Variants in IMMT observed in about 807,000 individuals in gnomAD.
IMMT encodes MICOS complex subunit MIC60.
A neutral mutation model predicts 92.7 loss-of-function variants in IMMT; 40 were observed. The ratio of observed to expected loss-of-function variants is 0.43; its 90% CI spans 0.34 to 0.56. IMMT has a LOEUF of 0.56. Among genes scored for constraint, IMMT ranks in the 20% least tolerant of loss-of-function variants. The pLI is 0.03. For missense variants in IMMT, 831 were observed against 912.1 expected (o/e 0.91, Z 1.14); for synonymous variants, 322 against 336.1 (o/e 0.96, Z 0.46).
intron 12 of IMMT, among the ~76,000 whole-genome samples, chr2:86,149,672 G>A (rs1675315017): frequency 6.6e-6 from 1 of 152,090 alleles, no homozygotes; most frequent in Non-Finnish European, 1.5e-5. Context: ...GAGGTCAGGA[G>A]TTCGAGACCA....
intron 3 of IMMT, among the ~76,000 whole-genome samples, chr2:86,178,435 G>C (rs1201294513): frequency 6.6e-6 from 1 of 151,542 alleles, no homozygotes; most frequent in East Asian, 1.9e-4. Context: ...GACCAGCCTG[G>C]ACAACATGGT....
At chr2:86,166,698 T>A (rs1332917475) in intron 6 of IMMT, 54 bp from the exon 7 acceptor site, 20 of 1,501,604 alleles carry the variant, frequency 1.3e-5, no homozygotes, top group Non-Finnish European at 1.8e-5. Flanking sequence ...ATAAATGACT[T>A]TAAACTTTTG....
chr2:86,175,043 T>C (rs1215896390), intron 3 of IMMT, among the ~76,000 whole-genome samples: 1 of 152,196 alleles, frequency 6.6e-6, no homozygotes, highest in Non-Finnish European at 1.5e-5. Flanking sequence ...TCACTTAAGG[T>C]TCTAGTGATT....
Position 86,144,885 on chromosome 2 carries a change from CA to C in IMMT, c.1664-5del. The C allele has an allele frequency of 1.3e-6, 2 of 1,572,594 alleles. No individual in the cohort carries two copies. The highest frequency in any genetic ancestry group is 1.7e-6 in the Non-Finnish European group (2 of 1,163,366). ...TCCTCTTCAGCAACTGCATGGCCTACAAAGAAAAAAAGGCAAAGCCAAACAT... is the reference window on the plus strand; with the variant it reads ...TCCTCTTCAGCAACTGCATGGCCTACAAGAAAAAAAGGCAAAGCCAAACAT... On this transcript the variant is annotated splice_region_variant and splice_polypyrimidine_tract_variant and intron_variant, in intron 14 of 14. Transcript: ENST00000410111.
intron 1 of IMMT, 134 bp downstream of exon 1, chr2:86,195,204 G>T: frequency 4.2e-6 from 4 of 954,294 alleles, no homozygotes; most frequent in Middle Eastern, 2.7e-4. Flanking sequence ...CTGCCCGCCC[G>T]GGCCTCTCCC....
chr2:86,160,254 C>T (rs886729189), intron 8 of IMMT, among the ~76,000 whole-genome samples: 4 of 152,176 alleles, frequency 2.6e-5, no homozygotes, highest in East Asian at 1.9e-4. Flanking sequence ...TACATGCTTT[C>T]GTGTAAGGAA....
chr2:86,168,831 A>C (rs574039292), intron 6 of IMMT, among the ~76,000 whole-genome samples: 38 of 152,322 alleles, frequency 2.5e-4, no homozygotes, highest in African/African-American at 8.9e-4. Context: ...AAGTGATAGA[A>C]GTGAAATGAG....
chr2:86,157,041 T>C (rs778965196), intron 10 of IMMT, among the ~76,000 whole-genome samples: 1 of 152,124 alleles, frequency 6.6e-6, no homozygotes, highest in African/African-American at 2.4e-5. Context: ...CTTGAGAAAT[T>C]CTGATGAGGG....
At chr2:86,145,233 G>A (rs1401137467) in intron 14 of IMMT, among the ~76,000 whole-genome samples, 1 of 150,396 alleles carries the variant, frequency 6.6e-6, no homozygotes, top group Non-Finnish European at 1.5e-5. Flanking sequence ...AATGGCTCAT[G>A]CCTGTAATCC....
chr2:86,166,488 TA>T lies in IMMT; in HGVS notation c.792+19del. ...CAAGTCATGACAGCCAGAACACTTCTAATCATTCATTGGGCTCACCTCAGAA... is the reference window on the plus strand; with the variant it reads ...CAAGTCATGACAGCCAGAACACTTCTATCATTCATTGGGCTCACCTCAGAA... On this transcript the variant is annotated intron_variant, in intron 7 of 14. Transcript: ENST00000410111. 6.3e-7 allele frequency: 1 copy of T among 1,598,098 alleles called. No homozygotes were observed. Among genetic ancestry groups the T allele is most frequent in the Non-Finnish European group, 8.5e-7 (1 of 1,172,798 alleles).
At chr2:86,172,801 CT>C (rs1677185470) in intron 4 of IMMT, among the ~76,000 whole-genome samples, 1 of 152,170 alleles carries the variant, frequency 6.6e-6, no homozygotes, top group Non-Finnish European at 1.5e-5. Flanking sequence ...GCCTGGGATG[CT>C]TTTCCCCACC....
At chr2:86,167,219 T>C (rs1218500669) in intron 6 of IMMT, among the ~76,000 whole-genome samples, 12 of 138,368 alleles carry the variant, frequency 8.7e-5, no homozygotes, top group Non-Finnish European at 1.6e-4. Context: ...TCGCCCAGGC[T>C]GGAGTGCAGT....
At chr2:86,175,711 G>A (rs1055643677) in intron 3 of IMMT, among the ~76,000 whole-genome samples, 1 of 127,340 alleles carries the variant, frequency 7.9e-6, no homozygotes, top group Non-Finnish European at 1.6e-5. Flanking sequence ...AGTAGAGAGT[G>A]CTTGAGTAAA....
At chr2:86,176,879 C>A (rs1276729644) in intron 3 of IMMT, among the ~76,000 whole-genome samples, 1 of 152,210 alleles carries the variant, frequency 6.6e-6, no homozygotes, top group East Asian at 1.9e-4. Context: ...CTGGGTCATG[C>A]AGCTTAAAAT....
At chr2:86,182,383 T>C (rs560224965) in intron 1 of IMMT, among the ~76,000 whole-genome samples, 1 of 152,320 alleles carries the variant, frequency 6.6e-6, no homozygotes, top group South Asian at 2.1e-4. Flanking sequence ...TATCACATGA[T>C]CATAGGACAC....
intron 3 of IMMT, 122 bp from the exon 4 acceptor site, chr2:86,173,883 G>T: frequency 1.7e-6 from 1 of 586,298 alleles, no homozygotes; most frequent in Non-Finnish European, 3.0e-6. Flanking sequence ...TCAACACTTT[G>T]TAACATATGT....
At chr2:86,191,911 T>C (rs900998537) in intron 1 of IMMT, among the ~76,000 whole-genome samples, 2 of 150,102 alleles carry the variant, frequency 1.3e-5, no homozygotes, top group African/African-American at 4.9e-5. Flanking sequence ...CAAGACTCCA[T>C]CTCAAAAAAA....
At chr2:86,183,458 GTTTC>G (rs754704436) in intron 1 of IMMT, among the ~76,000 whole-genome samples, 1 of 152,072 alleles carries the variant, frequency 6.6e-6, no homozygotes, top group African/African-American at 2.4e-5. Flanking sequence ...ATTTTTAAAT[GTTTC>G]TTTATCTACC....
intron 12 of IMMT, 103 bp from the exon 13 acceptor site, chr2:86,147,936 C>A: frequency 9.1e-7 from 1 of 1,098,032 alleles, no homozygotes; most frequent in South Asian, 1.5e-5. Flanking sequence ...GCTTCCATAT[C>A]CTGAACGCCT....
Sources: allele counts gnomAD v4.1 joint callset (sites outside exome capture counted in the v4.1 genomes callset), GRCh38; gene constraint gnomAD v4.1.1; transcripts MANE v1.5; gene names NCBI Gene and HGNC (gene_info 2026-07-23, HGNC 2026-07-21).